PKNOX2: variants seen among roughly 807,000 people sequenced by gnomAD.
The protein encoded by PKNOX2 is PBX/knotted 1 homeobox 2.
A neutral mutation model predicts 53.1 loss-of-function variants in PKNOX2; 14 were observed. That is an observed-to-expected ratio of 0.26 (90% CI 0.17 to 0.41). PKNOX2 has a LOEUF of 0.41. Ranked by LOEUF, PKNOX2 falls within the 10% of genes least tolerant of loss-of-function variation. The pLI, the probability that PKNOX2 is intolerant of heterozygous loss-of-function variation, is 1.00. For missense variants in PKNOX2, 496 were observed against 602.8 expected (o/e 0.82, Z 1.85); for synonymous variants, 257 against 242.8 (o/e 1.06, Z -0.54).
At chr11:125,314,274 T>C (rs1949009807) in intron 2 of PKNOX2, among the ~76,000 whole-genome samples, 1 of 151,950 alleles carries the variant, frequency 6.6e-6, no homozygotes, top group Non-Finnish European at 1.5e-5. Context: ...GCACCTGCAG[T>C]GCGGTGCCCT....
At chr11:125,293,311 C>T (rs1947430755) in intron 2 of PKNOX2, among the ~76,000 whole-genome samples, 1 of 151,884 alleles carries the variant, frequency 6.6e-6, no homozygotes, top group Non-Finnish European at 1.5e-5. Context: ...TTAGGTAAAC[C>T]CATGTATGTG....
intron 1 of PKNOX2, among the ~76,000 whole-genome samples, chr11:125,227,217 G>A (rs1426846336): frequency 6.6e-6 from 1 of 152,096 alleles, no homozygotes; most frequent in Non-Finnish European, 1.5e-5. Context: ...GGGAGGGAGG[G>A]AATGGGTTGC....
chr11:125,267,752 T>C (rs1209906292), intron 2 of PKNOX2, among the ~76,000 whole-genome samples: 2 of 146,378 alleles, frequency 1.4e-5, no homozygotes, highest in African/African-American at 2.8e-5. Context: ...TGTGTGCGCG[T>C]GTGTGTGTGC....
chr11:125,413,667 T>G (rs78621633), intron 10 of PKNOX2, among the ~76,000 whole-genome samples: 1 of 152,078 alleles, frequency 6.6e-6, no homozygotes, highest in Admixed American at 6.5e-5. Context: ...ACCCGGCAAC[T>G]TGGTCACACT....
At chr11:125,330,405 C>G (rs1950070107) in intron 2 of PKNOX2, 1 of 152,250 alleles carries the variant, frequency 6.6e-6, no homozygotes, top group Admixed American at 6.5e-5. Flanking sequence ...TGGTCCTGAT[C>G]TCTTGGGCTC....
chr11:125,349,656 C>A (rs1237274179), intron 3 of PKNOX2, among the ~76,000 whole-genome samples: 1 of 151,628 alleles, frequency 6.6e-6, no homozygotes, highest in Middle Eastern at 3.2e-3. Flanking sequence ...CCTCATTCAT[C>A]TGTCCCACCA....
intron 6 of PKNOX2, among the ~76,000 whole-genome samples, chr11:125,395,297 A>G (rs1298454451): frequency 1.3e-5 from 2 of 152,232 alleles, no homozygotes; most frequent in East Asian, 3.8e-4. Context: ...TGGATGAATT[A>G]CAGTTTCTTT....
chr11:125,423,543 T>G (rs1956272675), intron 10 of PKNOX2, among the ~76,000 whole-genome samples: 1 of 152,212 alleles, frequency 6.6e-6, no homozygotes, highest in Non-Finnish European at 1.5e-5. Flanking sequence ...GGCCCCGTGT[T>G]CGTTCATTCA....
chr11:125,260,125 G>A (rs55754911), intron 2 of PKNOX2, among the ~76,000 whole-genome samples: 2,116 of 152,070 alleles, frequency 0.014, 61 homozygotes, highest in African/African-American at 0.048. Context: ...TGATCCTCCC[G>A]CCTCAGCCCC....
chr11:125,224,115 T>C (rs572176606), intron 1 of PKNOX2, among the ~76,000 whole-genome samples: 20 of 152,206 alleles, frequency 1.3e-4, no homozygotes, highest in Non-Finnish European at 2.5e-4. Flanking sequence ...TGCCTTTGTG[T>C]CTTCTTCTGA....
In PKNOX2 at chr11:125,178,630, GAAAGAAAGAAAGAAA is replaced by G. The variant is rs1565462399; in HGVS notation, c.-201+13855_-201+13869del. On this transcript the variant is annotated intron_variant, in intron 1 of 12. Transcript: ENST00000298282. The stretch of plus-strand genomic sequence containing the variant: ...GGAAGGAAAGAAAGAAAGAAAGAAA[GAAAGAAAGAAAGAAA>G]GAAGGAAGGAAGGAAGGAAGGAAGG... Among the ~76,000 whole-genome samples, 239 of 88,180 alleles carry G rather than the reference GAAAGAAAGAAAGAAA, an allele frequency of 2.7e-3. 5 individuals carry two copies. Among genetic ancestry groups the G allele is most frequent in the African/African-American group, 0.016 (218 of 13,912 alleles). The allele number at this position is 88,180 out of a possible 152,430, so 57.8% of individuals were successfully genotyped here.
Position 125,367,930 on chromosome 11 carries a change from A to T in PKNOX2, c.172A>T (p.Ser58Cys), listed in dbSNP as rs1375674327. The stretch of plus-strand genomic sequence containing the variant: ...AGCTGCTGCCAGCACACCTGTGCCC[A>T]GTGCCCCCATCGACCCCCAGGCCCA... Reference protein sequence around the residue: ...PSAAASTPVPSAPIDPQAQLE... With the variant: ...PSAAASTPVPCAPIDPQAQLE... Residue 58 changes from serine (S) to cysteine (C), a missense_variant, in exon 5 of 13, where the codon AGT becomes TGT. By Grantham distance (112) the Ser-to-Cys change is moderately radical. This residue lies in a region of PKNOX2 where 168 missense variants were observed against 178.4 expected (regional missense o/e 0.94). Coordinates refer to ENST00000298282, the MANE Select transcript of PKNOX2 (RefSeq NM_001382323.2). 1 of 1,613,324 alleles carries T rather than the reference A, an allele frequency of 6.2e-7. No homozygotes were observed. The highest frequency in any genetic ancestry group is 8.5e-7 in the Non-Finnish European group (1 of 1,179,682).
rs936709913 is a variant in PKNOX2, at chr11:125,210,486, G to A, written c.-200-24559G>A. Among the ~76,000 whole-genome samples the A allele has an allele frequency of 2.4e-4, 37 of 152,268 alleles. 1 individual carries two copies. The highest frequency in any genetic ancestry group is 5.8e-4 in the African/African-American group (24 of 41,564). On this transcript the variant is annotated intron_variant, in intron 1 of 12. Coordinates refer to ENST00000298282, the MANE Select transcript of PKNOX2 (RefSeq NM_001382323.2). Reference sequence around the variant, plus strand: ...TGGATGCAGGTGCAGTGTTGGATGAGTGTGCATGGGGTGCAGCACAGCGAG... The same window carrying A: ...TGGATGCAGGTGCAGTGTTGGATGAATGTGCATGGGGTGCAGCACAGCGAG...
intron 6 of PKNOX2, among the ~76,000 whole-genome samples, chr11:125,395,734 A>T (rs931000674): frequency 6.6e-6 from 1 of 152,122 alleles, no homozygotes; most frequent in Non-Finnish European, 1.5e-5. Flanking sequence ...CTTCAGTGAA[A>T]TGTCTAATCA....
chr11:125,388,121 A>T (rs1271906327), intron 6 of PKNOX2, among the ~76,000 whole-genome samples: 1 of 152,052 alleles, frequency 6.6e-6, no homozygotes, highest in Non-Finnish European at 1.5e-5. Flanking sequence ...ATGAAACTTG[A>T]TGTGGGGAGT....
intron 6 of PKNOX2, among the ~76,000 whole-genome samples, chr11:125,386,461 A>G (rs1318198941): frequency 6.6e-6 from 1 of 152,064 alleles, no homozygotes; most frequent in African/African-American, 2.4e-5. Flanking sequence ...CTGTGGAGAG[A>G]GCAGTAGAGA....
chr11:125,202,398 C>G (rs1045016294), intron 1 of PKNOX2, among the ~76,000 whole-genome samples: 2 of 152,224 alleles, frequency 1.3e-5, no homozygotes, highest in South Asian at 4.1e-4. Flanking sequence ...TGACCACTGG[C>G]TTCTAGAGCC....
chr11:125,198,610 C>T (rs540208274), intron 1 of PKNOX2, among the ~76,000 whole-genome samples: 15 of 152,152 alleles, frequency 9.9e-5, no homozygotes, highest in Non-Finnish European at 1.9e-4. Flanking sequence ...CTCATTCTTA[C>T]GTACACTTCC....
intron 2 of PKNOX2, among the ~76,000 whole-genome samples, chr11:125,279,733 A>G (rs1413977015): frequency 6.6e-6 from 1 of 152,234 alleles, no homozygotes; most frequent in Non-Finnish European, 1.5e-5. Flanking sequence ...CCAGAGTAGG[A>G]TGCCAGTGAA....
Sources: gnomAD v4.1 joint callset for allele counts (sites outside exome capture counted in the v4.1 genomes callset) on GRCh38, gnomAD v4.1.1 for gene constraint, gnomAD v4.1.1 regional missense constraint, MANE v1.5 for transcripts, NCBI Gene and HGNC (gene_info 2026-07-23, HGNC 2026-07-21) for gene names.